RGS12: variants seen among roughly 807,000 people sequenced by gnomAD.
RGS12 encodes regulator of G-protein signaling 12.
A neutral mutation model predicts 120.1 loss-of-function variants in RGS12; 66 were observed. That is an observed-to-expected ratio of 0.55 (90% CI 0.45 to 0.67). RGS12 has a LOEUF of 0.67. Among genes scored for constraint, RGS12 ranks in the 30% least tolerant of loss-of-function variants. The pLI is 0.00. For synonymous variants in RGS12, 827 were observed against 804.7 expected (o/e 1.03, Z -0.47); for missense variants, 1,859 against 1,957.7 (o/e 0.95, Z 0.95).
chr4:3,430,502 C>T lies in RGS12; in HGVS notation c.3661C>T (p.Arg1221Cys), dbSNP rs777835579. 8 of 1,613,818 alleles carry T rather than the reference C, an allele frequency of 5.0e-6. No homozygotes were observed. In the South Asian group the frequency reaches 5.5e-5, roughly 11 times the overall value. ...KEDLVLPEFL[R>C]LPPGSTELTL... Reference sequence around the variant, plus strand: ...AGACCTGGTGTTGCCAGAGTTCCTCCGTTTACCTCCTGGTTCCACAGAACT... The same window carrying T: ...AGACCTGGTGTTGCCAGAGTTCCTCTGTTTACCTCCTGGTTCCACAGAACT... The change falls in exon 17 of 18, where the codon CGT becomes TGT. Residue 1221 changes from arginine (R) to cysteine (C), a missense_variant. Physicochemically the swap from Arg to Cys is radical, Grantham distance 180. Transcript: ENST00000336727.
chr4:3,373,004 C>T (rs1254840302), intron 3 of RGS12, among the ~76,000 whole-genome samples: 2 of 152,208 alleles, frequency 1.3e-5, no homozygotes, highest in African/African-American at 4.8e-5. Flanking sequence ...CTGGTGCAGT[C>T]TGCGGCCCGG....
At chr4:3,371,679 G>C (rs1337141932) in intron 3 of RGS12, among the ~76,000 whole-genome samples, 1 of 152,198 alleles carries the variant, frequency 6.6e-6, no homozygotes, top group East Asian at 1.9e-4. Flanking sequence ...GTGGGTGGGC[G>C]TCTCTGCTGC....
At chr4:3,319,518 C>T (rs1725039334) in intron 2 of RGS12, among the ~76,000 whole-genome samples, 1 of 152,164 alleles carries the variant, frequency 6.6e-6, no homozygotes, top group Admixed American at 6.5e-5. Context: ...AGCCCCTGCT[C>T]CTGGGCTCAA....
At chr4:3,329,079 C>T (rs1332658061) in intron 2 of RGS12, among the ~76,000 whole-genome samples, 2 of 152,192 alleles carry the variant, frequency 1.3e-5, no homozygotes, top group Admixed American at 6.5e-5. Flanking sequence ...ATGAAAGGCA[C>T]AAAGACCGAG....
chr4:3,362,661 C>G (rs60181496), intron 3 of RGS12, among the ~76,000 whole-genome samples: 89,658 of 123,534 alleles, frequency 0.73, 32,032 homozygotes, highest in African/African-American at 0.92. Flanking sequence ...CAGTGTGGGA[C>G]TGAGGCTGAG....
At chr4:3,417,291 G>A in intron 8 of RGS12, 97 bp from the exon 9 acceptor site, 4 of 1,380,308 alleles carry the variant, frequency 2.9e-6, no homozygotes, top group Non-Finnish European at 3.9e-6. Flanking sequence ...ATCCCATAGA[G>A]TGCTTGTGTT....
Position 3,423,666 on chromosome 4 carries a change from G to A in RGS12, c.3234+25G>A, listed in dbSNP as rs374982545. 2.4e-4 allele frequency: 376 copies of A among 1,592,526 alleles called. 3 individuals carry two copies. Among genetic ancestry groups the A allele is most frequent in the South Asian group, 2.3e-3 (207 of 90,682 alleles). ...GGTGAGTGTTGCACGGGGCCCGGGC[G>A]TCGTCACCGCAGGCACTGTCTGTTC... On this transcript the variant is annotated intron_variant, in intron 13 of 17. Transcript: ENST00000336727.
At chr4:3,438,948 C>T (rs2109279995) in intron 17 of RGS12, among the ~76,000 whole-genome samples, 1 of 152,192 alleles carries the variant, frequency 6.6e-6, no homozygotes, top group South Asian at 2.1e-4. Context: ...GAGCAGGTGG[C>T]CAGCCTGGCA....
At chr4:3,431,805 G>A (rs531100465) in intron 17 of RGS12, 350 of 985,764 alleles carry the variant, frequency 3.6e-4, no homozygotes, top group Non-Finnish European at 4.0e-4. Flanking sequence ...GGGGCGATGG[G>A]AGCGCCTCTC....
intron 1 of RGS12, among the ~76,000 whole-genome samples, chr4:3,309,776 G>A (rs1724240952): frequency 6.9e-6 from 1 of 144,966 alleles, no homozygotes. Context: ...CTCGGGAATG[G>A]CAGGTGTCTG....
chr4:3,310,262 C>T (rs1316519968), intron 1 of RGS12, among the ~76,000 whole-genome samples: 7 of 113,092 alleles, frequency 6.2e-5, no homozygotes, highest in South Asian at 2.8e-4. Context: ...GGCAGGTGTC[C>T]TCTGAGGGGA....
chr4:3,430,794 A>G lies in RGS12; in HGVS notation c.3953A>G (p.Lys1318Arg). The G allele has an allele frequency of 1.9e-6, 3 of 1,611,872 alleles. No homozygotes were observed. Among genetic ancestry groups the G allele is most frequent in the Non-Finnish European group, 2.5e-6 (3 of 1,179,490 alleles). Reference protein sequence around the residue: ...LAQEGTAQIWKRQSQEVEAGG... With the variant: ...LAQEGTAQIWRRQSQEVEAGG... ...CAGGAGGGCACCGCCCAGATCTGGA[A>G]GAGGCAGTCTCAGGAAGTGGAGGCC... Residue 1318 changes from lysine to arginine, a missense_variant, in exon 17 of 18, where the codon AAG (lysine) becomes AGG (arginine). Lys to Arg is a conservative substitution (Grantham distance 26). Coordinates refer to ENST00000336727, the MANE Select transcript of RGS12 (RefSeq NM_001394154.1).
intron 2 of RGS12, among the ~76,000 whole-genome samples, chr4:3,338,201 C>T (rs960684846): frequency 1.3e-5 from 2 of 152,220 alleles, no homozygotes; most frequent in Non-Finnish European, 2.9e-5. Context: ...GCTGGGATTA[C>T]AGGCATGTGC....
chr4:3,398,550 A>G (rs1720271408), intron 4 of RGS12, among the ~76,000 whole-genome samples: 1 of 152,260 alleles, frequency 6.6e-6, no homozygotes, highest in Non-Finnish European at 1.5e-5. Flanking sequence ...TTAAGAAAAA[A>G]GAGAAGTGGC....
intron 6 of RGS12, among the ~76,000 whole-genome samples, chr4:3,415,068 C>A (rs568428238): frequency 2.7e-5 from 2 of 74,160 alleles, no homozygotes; most frequent in African/African-American, 1.1e-4. Context: ...GTGTGAGGGG[C>A]GTGTGAGGTC....
chr4:3,431,564 G>C, intron 17 of RGS12: 1 of 986,020 alleles, frequency 1.0e-6, no homozygotes, highest in South Asian at 4.7e-5. Context: ...GGAAGCAGGG[G>C]ATTCAGTGAG....
chr4:3,303,494 C>T (rs1365501156), intron 1 of RGS12, among the ~76,000 whole-genome samples: 6 of 152,222 alleles, frequency 3.9e-5, no homozygotes, highest in African/African-American at 1.2e-4. Flanking sequence ...CCTGGAGGCT[C>T]TTTTGCTTCA....
At chr4:3,361,304 A>G (rs4690087) in intron 3 of RGS12, among the ~76,000 whole-genome samples, 147,094 of 152,326 alleles carry the variant, frequency 0.97, 71,082 homozygotes, top group East Asian at 1. Flanking sequence ...GAACGGGGTG[A>G]GGGCTACGTG....
intron 8 of RGS12, 105 bp downstream of exon 8, chr4:3,417,197 G>C: frequency 3.0e-6 from 4 of 1,347,376 alleles, no homozygotes; most frequent in Non-Finnish European, 4.0e-6. Flanking sequence ...CTTCACCAGT[G>C]GTGGGTGACG....
Sources: gnomAD v4.1 joint callset for allele counts (sites outside exome capture counted in the v4.1 genomes callset) on GRCh38, gnomAD v4.1.1 for gene constraint, MANE v1.5 for transcripts, NCBI Gene and HGNC (gene_info 2026-07-23, HGNC 2026-07-21) for gene names.